Variants in CHODL observed in about 807,000 individuals in gnomAD.
CHODL encodes the protein transmembrane protein MT75.
A neutral mutation model predicts 34.5 loss-of-function variants in CHODL; 29 were observed. The ratio of observed to expected loss-of-function variants is 0.84; its 90% CI spans 0.63 to 1.15. The LOEUF is 1.15. CHODL is among the 50% of genes most tolerant of loss of function. CHODL has a pLI of 0.00. For synonymous variants in CHODL, 125 were observed against 116.1 expected (o/e 1.08, Z -0.49); for missense variants, 332 against 332.5 (o/e 1.00, Z 0.01).
At chr21:18,021,214 G>A (rs1035049606) in intron 1 of CHODL, among the ~76,000 whole-genome samples, 3 of 152,182 alleles carry the variant, frequency 2.0e-5, no homozygotes, top group Non-Finnish European at 2.9e-5. Flanking sequence ...AAATGTAGAA[G>A]TCAGCCACAG....
chr21:17,973,790 A>G (rs564213296), intron 1 of CHODL, among the ~76,000 whole-genome samples: 3 of 149,542 alleles, frequency 2.0e-5, no homozygotes, highest in South Asian at 2.1e-4. Context: ...TTGTTAGGTT[A>G]CTATCTTTCA....
intron 2 of CHODL, among the ~76,000 whole-genome samples, chr21:18,030,137 G>T (rs1217226851): frequency 6.6e-6 from 1 of 152,064 alleles, no homozygotes; most frequent in African/African-American, 2.4e-5. Context: ...TAACTAATAG[G>T]ATATGGCAAA....
chr21:18,181,682 G>A (rs908016725), intron 2 of CHODL, among the ~76,000 whole-genome samples: 10 of 152,236 alleles, frequency 6.6e-5, no homozygotes, highest in Non-Finnish European at 1.0e-4. Context: ...GAGCCACCGC[G>A]CCCAGCCAAG....
At chr21:18,009,402 G>A (rs2063990538) in intron 1 of CHODL, among the ~76,000 whole-genome samples, 1 of 152,054 alleles carries the variant, frequency 6.6e-6, no homozygotes, top group Admixed American at 6.6e-5. Context: ...GTTGAAGAAT[G>A]GTTAATATAT....
At chr21:18,259,795 A>G (rs1213721542) in intron 3 of CHODL, among the ~76,000 whole-genome samples, 1 of 152,188 alleles carries the variant, frequency 6.6e-6, no homozygotes, top group African/African-American at 2.4e-5. Flanking sequence ...TAATACACTG[A>G]TATTAGTAAA....
At chr21:18,085,183 T>C (rs1165387711) in intron 2 of CHODL, among the ~76,000 whole-genome samples, 2 of 152,116 alleles carry the variant, frequency 1.3e-5, no homozygotes, top group Admixed American at 6.6e-5. Flanking sequence ...TCTTTACAGG[T>C]AAGGTAAATT....
intron 2 of CHODL, among the ~76,000 whole-genome samples, chr21:18,184,103 T>G (rs1224747281): frequency 1.3e-5 from 2 of 152,174 alleles, no homozygotes; most frequent in African/African-American, 4.8e-5. Flanking sequence ...AGACTTACAG[T>G]TTCACGTACT....
chr21:18,262,318 C>T (rs908479307), intron 4 of CHODL, among the ~76,000 whole-genome samples: 7 of 152,102 alleles, frequency 4.6e-5, no homozygotes, highest in African/African-American at 1.7e-4. Context: ...GCAATTTTGT[C>T]ATTGTGCGAA....
intron 2 of CHODL, among the ~76,000 whole-genome samples, chr21:18,139,553 G>T (rs1012629832): frequency 1.3e-5 from 2 of 152,098 alleles, no homozygotes; most frequent in Non-Finnish European, 2.9e-5. Flanking sequence ...CTCATCCCAA[G>T]CATAGCTGAC....
chr21:18,238,110 A>G (rs761788857), intron 2 of CHODL, among the ~76,000 whole-genome samples: 6 of 152,084 alleles, frequency 3.9e-5, no homozygotes, highest in African/African-American at 1.4e-4. Context: ...TGATTGTCCT[A>G]AAGCTTCTCA....
intron 2 of CHODL, among the ~76,000 whole-genome samples, chr21:18,029,793 A>G (rs1366204092): frequency 1.3e-5 from 2 of 152,102 alleles, no homozygotes; most frequent in Admixed American, 1.3e-4. Context: ...ACTGAATCTT[A>G]TAATTAATTA....
chr21:18,041,698 A>AT (rs1327104280), intron 2 of CHODL, among the ~76,000 whole-genome samples: 1 of 151,950 alleles, frequency 6.6e-6, no homozygotes, highest in Non-Finnish European at 1.5e-5. Context: ...AATAGGCTCA[A>AT]TTTAAAATAA....
chr21:18,071,489 C>T (rs2064804667), intron 2 of CHODL, among the ~76,000 whole-genome samples: 1 of 152,148 alleles, frequency 6.6e-6, no homozygotes, highest in African/African-American at 2.4e-5. Flanking sequence ...ATGATCACCC[C>T]TTCAGTTCTA....
chr21:18,193,744 TAAAA>T (rs914023702), intron 2 of CHODL, among the ~76,000 whole-genome samples: 1 of 148,976 alleles, frequency 6.7e-6, no homozygotes, highest in Non-Finnish European at 1.5e-5. Flanking sequence ...AATAAATAAA[TAAAA>T]AATAAACTTA....
chr21:18,033,075 G>A (rs2064266545), intron 2 of CHODL, among the ~76,000 whole-genome samples: 1 of 151,974 alleles, frequency 6.6e-6, no homozygotes, highest in African/African-American at 2.4e-5. Flanking sequence ...AACAAAAACG[G>A]GAGTAAACGA....
chr21:18,077,387 T>C (rs981694736), intron 2 of CHODL, among the ~76,000 whole-genome samples: 2 of 152,182 alleles, frequency 1.3e-5, no homozygotes, highest in Non-Finnish European at 2.9e-5. Context: ...ACTTTTGAGT[T>C]AATGCTGGAG....
chr21:18,129,892 C>G (rs865908248), intron 2 of CHODL, among the ~76,000 whole-genome samples: 10 of 140,588 alleles, frequency 7.1e-5, no homozygotes, highest in South Asian at 4.4e-4. Flanking sequence ...CTGTCTTTCT[C>G]TGTGTGTGTG....
At chr21:17,992,715 G>T (rs1461952749) in intron 1 of CHODL, among the ~76,000 whole-genome samples, 6 of 31,508 alleles carry the variant, frequency 1.9e-4, no homozygotes, top group East Asian at 2.1e-3. Flanking sequence ...TTCTGGTGGA[G>T]TTGTTTTTTT....
intron 1 of CHODL, among the ~76,000 whole-genome samples, chr21:17,995,285 A>G (rs2063838159): frequency 6.6e-6 from 1 of 152,120 alleles, no homozygotes; most frequent in African/African-American, 2.4e-5. Context: ...AACTGTCTAT[A>G]TTAGTCTCAG....
Sources: gnomAD v4.1 joint callset for allele counts (sites outside exome capture counted in the v4.1 genomes callset) on GRCh38, gnomAD v4.1.1 for gene constraint, MANE v1.5 for transcripts, NCBI Gene and HGNC (gene_info 2026-07-23, HGNC 2026-07-21) for gene names.